The following RBMS3 variants were observed in gnomAD, a reference collection of about 807,000 sequenced individuals.
RBMS3 encodes RNA-binding motif, single-stranded-interacting protein 3.
Under a neutral mutation model 66.8 loss-of-function variants are expected in RBMS3, and 27 were observed. The observed-to-expected ratio is 0.40, with a 90% CI of 0.30 to 0.56. RBMS3 has a LOEUF of 0.56. Ranked by LOEUF, RBMS3 falls within the 20% of genes least tolerant of loss-of-function variation. The pLI, the probability that RBMS3 is intolerant of heterozygous loss-of-function variation, is 0.40. For synonymous variants in RBMS3, 188 were observed against 183.0 expected (o/e 1.03, Z -0.22); for missense variants, 513 against 549.5 (o/e 0.93, Z 0.66).
chr3:29,445,988 C>T (rs1012743404), intron 2 of RBMS3, among the ~76,000 whole-genome samples: 1 of 152,096 alleles, frequency 6.6e-6, no homozygotes, highest in Admixed American at 6.6e-5. Flanking sequence ...TTTGAAAATG[C>T]ATGTACCTAT....
intron 4 of RBMS3, among the ~76,000 whole-genome samples, chr3:29,644,704 G>A (rs2049851342): frequency 6.6e-6 from 1 of 152,120 alleles, no homozygotes; most frequent in South Asian, 2.1e-4. Flanking sequence ...TTTCATTGCA[G>A]GCACTATATT....
chr3:29,350,638 G>A (rs539868649), intron 1 of RBMS3, among the ~76,000 whole-genome samples: 2 of 152,142 alleles, frequency 1.3e-5, no homozygotes, highest in Non-Finnish European at 2.9e-5. Flanking sequence ...TGCTCTGAAA[G>A]TGTCTGTCTT....
chr3:29,376,682 C>T (rs1405403261), intron 1 of RBMS3, among the ~76,000 whole-genome samples: 3 of 151,986 alleles, frequency 2.0e-5, no homozygotes, highest in South Asian at 2.1e-4. Context: ...CCGAGGTGAG[C>T]GGATCACGAG....
intron 4 of RBMS3, among the ~76,000 whole-genome samples, chr3:29,673,345 A>G (rs2051088337): frequency 6.6e-6 from 1 of 152,218 alleles, no homozygotes. Flanking sequence ...GAACTAGAGA[A>G]GCAAGAGCAA....
chr3:29,865,797 A>G (rs2059345685), intron 6 of RBMS3, among the ~76,000 whole-genome samples: 1 of 152,076 alleles, frequency 6.6e-6, no homozygotes, highest in Admixed American at 6.6e-5. Flanking sequence ...GTATGGGCCA[A>G]TTCTGCTTAT....
chr3:29,594,660 C>A (rs1216633269), intron 4 of RBMS3, among the ~76,000 whole-genome samples: 1 of 152,078 alleles, frequency 6.6e-6, no homozygotes, highest in Non-Finnish European at 1.5e-5. Flanking sequence ...ACTGGCTGGT[C>A]TTTTACATGT....
At chr3:29,795,436 CT>C (rs1394768686) in intron 6 of RBMS3, among the ~76,000 whole-genome samples, 1 of 152,140 alleles carries the variant, frequency 6.6e-6, no homozygotes, top group African/African-American at 2.4e-5. Context: ...GCATTATTTT[CT>C]TTTCATGATA....
chr3:29,628,968 C>G (rs2049174012), intron 4 of RBMS3, among the ~76,000 whole-genome samples: 1 of 152,014 alleles, frequency 6.6e-6, no homozygotes, highest in Non-Finnish European at 1.5e-5. Flanking sequence ...GTTGACACAG[C>G]ATTGCTTGGA....
At chr3:29,956,481 G>C (rs1307992738) in intron 12 of RBMS3, among the ~76,000 whole-genome samples, 1 of 151,974 alleles carries the variant, frequency 6.6e-6, no homozygotes, top group Non-Finnish European at 1.5e-5. Context: ...TTTATCCCTT[G>C]TGGTATTAAA....
chr3:29,916,163 G>A (rs1368467316), intron 10 of RBMS3, among the ~76,000 whole-genome samples: 1 of 151,924 alleles, frequency 6.6e-6, no homozygotes, highest in Admixed American at 6.6e-5. Flanking sequence ...TCCTAGCAGA[G>A]CCAAAATTAT....
chr3:29,744,282 T>C (rs2054775346), intron 5 of RBMS3, among the ~76,000 whole-genome samples: 1 of 152,178 alleles, frequency 6.6e-6, no homozygotes, highest in Non-Finnish European at 1.5e-5. Context: ...TTGAGCAAAT[T>C]TCTTATGATA....
chr3:29,533,820 A>G (rs2045454256), intron 3 of RBMS3, among the ~76,000 whole-genome samples: 1 of 152,082 alleles, frequency 6.6e-6, no homozygotes, highest in African/African-American at 2.4e-5. Context: ...TTTATACTTC[A>G]CTCATTTCTT....
At chr3:29,631,411 T>C (rs151312596) in intron 4 of RBMS3, among the ~76,000 whole-genome samples, 1 of 152,038 alleles carries the variant, frequency 6.6e-6, no homozygotes, top group African/African-American at 2.4e-5. Flanking sequence ...GCATTATAAA[T>C]AATAAATATT....
intron 8 of RBMS3, among the ~76,000 whole-genome samples, chr3:29,895,379 T>C (rs552373453): frequency 1.3e-5 from 2 of 151,594 alleles, no homozygotes; most frequent in African/African-American, 2.4e-5. Context: ...ACAATCAAGA[T>C]GTAGAACAGG....
At chr3:29,811,223 C>G (rs1238274054) in intron 6 of RBMS3, among the ~76,000 whole-genome samples, 1 of 152,068 alleles carries the variant, frequency 6.6e-6, no homozygotes, top group Non-Finnish European at 1.5e-5. Context: ...CTCCTTGGGG[C>G]TCTCTAGTGT....
At chr3:29,579,256 C>T (rs369496960) in intron 3 of RBMS3, among the ~76,000 whole-genome samples, 11 of 152,212 alleles carry the variant, frequency 7.2e-5, no homozygotes, top group South Asian at 2.1e-4. Context: ...AAGGATGCTT[C>T]GGTTGTGGGG....
intron 1 of RBMS3, among the ~76,000 whole-genome samples, chr3:29,320,215 G>T (rs778864635): frequency 6.6e-6 from 1 of 152,036 alleles, no homozygotes; most frequent in Non-Finnish European, 1.5e-5. Flanking sequence ...TTCACTCTCA[G>T]AGTAGACTAC....
chr3:29,327,146 A>G (rs182859985), intron 1 of RBMS3, among the ~76,000 whole-genome samples: 2 of 152,322 alleles, frequency 1.3e-5, no homozygotes, highest in African/African-American at 4.8e-5. Flanking sequence ...CATTAAGGAC[A>G]TGAAAATTGA....
chr3:29,517,271 A>ATGTGTGTGTGTGTGTG (rs58702096), intron 3 of RBMS3, among the ~76,000 whole-genome samples: 2 of 129,604 alleles, frequency 1.5e-5, no homozygotes, highest in Admixed American at 8.0e-5. Flanking sequence ...GATTTCATAT[A>ATGTGTGTGTGTGTGTG]TGTGTGTGTG....
Sources: allele counts gnomAD v4.1 joint callset (sites outside exome capture counted in the v4.1 genomes callset), GRCh38; gene constraint gnomAD v4.1.1; transcripts MANE v1.5; gene names NCBI Gene and HGNC (gene_info 2026-07-23, HGNC 2026-07-21).